Variants in LRRC4C observed in about 807,000 individuals in gnomAD.
The protein encoded by LRRC4C is leucine-rich repeat-containing protein 4C.
LRRC4C carries 5 observed loss-of-function variants against 33.6 expected under a neutral mutation model. That is an observed-to-expected ratio of 0.15 (90% CI 0.08 to 0.31). The LOEUF is 0.31. LRRC4C is among the 10% of genes least tolerant of loss of function. The pLI is 1.00. For synonymous variants in LRRC4C, 329 were observed against 302.0 expected, an observed-to-expected ratio of 1.09 and a Z score of -0.93; for missense variants, 560 against 796.7, an observed-to-expected ratio of 0.70 and a Z score of 3.58.
chr11:41,095,932 G>T (rs547132194), intron 1 of LRRC4C, among the ~76,000 whole-genome samples: 1 of 152,160 alleles, frequency 6.6e-6, no homozygotes, highest in East Asian at 1.9e-4. Context: ...GTTAACTCCC[G>T]CTGTGCTAGA....
chr11:40,306,447 C>T (rs1479213734), intron 4 of LRRC4C, among the ~76,000 whole-genome samples: 7 of 152,108 alleles, frequency 4.6e-5, no homozygotes, highest in South Asian at 4.1e-4. Context: ...AAACTGTCCC[C>T]GATACACACC....
chr11:40,752,870 A>C (rs1436264508), intron 2 of LRRC4C, among the ~76,000 whole-genome samples: 5 of 152,114 alleles, frequency 3.3e-5, no homozygotes, highest in African/African-American at 9.7e-5. Flanking sequence ...GAATCAACCT[A>C]AGTATCTGTC....
chr11:41,442,522 T>C (rs1362228171), intron 1 of LRRC4C, among the ~76,000 whole-genome samples: 4 of 133,052 alleles, frequency 3.0e-5, no homozygotes, highest in Admixed American at 2.7e-4. Context: ...CAGGCTGGAG[T>C]GCAGTGGCAC....
At chr11:41,342,469 T>C (rs1054969180) in intron 1 of LRRC4C, among the ~76,000 whole-genome samples, 3 of 152,086 alleles carry the variant, frequency 2.0e-5, no homozygotes, top group Non-Finnish European at 4.4e-5. Flanking sequence ...AATCATAGCA[T>C]TTTGGGAGGC....
intron 1 of LRRC4C, among the ~76,000 whole-genome samples, chr11:41,371,098 CA>C (rs1952730526): frequency 6.6e-6 from 1 of 152,134 alleles, no homozygotes; most frequent in Non-Finnish European, 1.5e-5. Context: ...TATTGTTTCT[CA>C]AAAGGTTCTC....
intron 1 of LRRC4C, among the ~76,000 whole-genome samples, chr11:41,176,900 G>A (rs756273737): frequency 6.6e-6 from 1 of 152,128 alleles, no homozygotes; most frequent in Non-Finnish European, 1.5e-5. Flanking sequence ...AGGAGGCAGA[G>A]GTTGCAGCGA....
At chr11:40,277,405 T>C (rs1943187918) in intron 4 of LRRC4C, among the ~76,000 whole-genome samples, 1 of 152,034 alleles carries the variant, frequency 6.6e-6, no homozygotes, top group Admixed American at 6.6e-5. Context: ...CTGGCCAAAC[T>C]AGAGGCAAAA....
At chr11:41,048,262 T>A (rs1249876830) in intron 1 of LRRC4C, among the ~76,000 whole-genome samples, 1 of 38,876 alleles carries the variant, frequency 2.6e-5, no homozygotes, top group Non-Finnish European at 7.1e-5. Flanking sequence ...ATTCTTTACT[T>A]TTTTTTTTTT....
chr11:40,184,445 T>C (rs1861251550), intron 5 of LRRC4C, among the ~76,000 whole-genome samples: 2 of 152,258 alleles, frequency 1.3e-5, no homozygotes, highest in South Asian at 4.1e-4. Context: ...AATATTTGGA[T>C]TGATAATAGA....
At chr11:41,364,178 T>C (rs959572608) in intron 1 of LRRC4C, among the ~76,000 whole-genome samples, 8 of 152,230 alleles carry the variant, frequency 5.3e-5, no homozygotes, top group African/African-American at 1.4e-4. Flanking sequence ...CCCCTGCTCA[T>C]TATCCAGCAA....
chr11:41,419,032 G>A (rs1181396968), intron 1 of LRRC4C, among the ~76,000 whole-genome samples: 1 of 151,876 alleles, frequency 6.6e-6, no homozygotes, highest in African/African-American at 2.4e-5. Flanking sequence ...AAGATACAAA[G>A]TTGAACCAGG....
At chr11:41,288,585 T>C (rs1949902665) in intron 1 of LRRC4C, among the ~76,000 whole-genome samples, 1 of 152,194 alleles carries the variant, frequency 6.6e-6, no homozygotes, top group African/African-American at 2.4e-5. Flanking sequence ...GCATATTTCA[T>C]GGTAATAAGT....
At chr11:41,018,522 C>T (rs1855744670) in intron 1 of LRRC4C, among the ~76,000 whole-genome samples, 1 of 152,096 alleles carries the variant, frequency 6.6e-6, no homozygotes, top group South Asian at 2.1e-4. Context: ...TTTTATTTTC[C>T]TTTGTCGGCA....
chr11:40,442,301 G>C (rs927628226), intron 3 of LRRC4C, among the ~76,000 whole-genome samples: 7 of 151,270 alleles, frequency 4.6e-5, no homozygotes, highest in Non-Finnish European at 1.0e-4. Flanking sequence ...TCTTAGGCAA[G>C]TTTTGTGCCA....
At chr11:40,857,825 G>T (rs528676487) in intron 2 of LRRC4C, among the ~76,000 whole-genome samples, 1 of 152,174 alleles carries the variant, frequency 6.6e-6, no homozygotes, top group Non-Finnish European at 1.5e-5. Flanking sequence ...TGAGGTAGGA[G>T]GATTGCTTGA....
chr11:40,708,395 A>G (rs1946280329), intron 2 of LRRC4C, among the ~76,000 whole-genome samples: 1 of 152,158 alleles, frequency 6.6e-6, no homozygotes, highest in Non-Finnish European at 1.5e-5. Context: ...TGTGTCCCAG[A>G]GATTCTGGTA....
intron 1 of LRRC4C, among the ~76,000 whole-genome samples, chr11:41,032,086 C>G (rs959040837): frequency 6.6e-6 from 1 of 151,972 alleles, no homozygotes; most frequent in Non-Finnish European, 1.5e-5. Flanking sequence ...GAAAAAATAA[C>G]CTGGGCATGT....
intron 5 of LRRC4C, among the ~76,000 whole-genome samples, chr11:40,148,859 A>G (rs150649352): frequency 0.014 from 2,163 of 152,250 alleles, 16 homozygotes; most frequent in Non-Finnish European, 0.023. Context: ...ATTTTTGTAT[A>G]TGGTGTAAGG....
At chr11:40,883,786 G>T (rs1028984636) in intron 2 of LRRC4C, among the ~76,000 whole-genome samples, 2 of 151,644 alleles carry the variant, frequency 1.3e-5, no homozygotes, top group Non-Finnish European at 2.9e-5. Context: ...AACTGCTGAG[G>T]ATCTCTATAG....
Sources: allele counts gnomAD v4.1 joint callset (sites outside exome capture counted in the v4.1 genomes callset), GRCh38; gene constraint gnomAD v4.1.1; transcripts MANE v1.5; gene names NCBI Gene and HGNC (gene_info 2026-07-23, HGNC 2026-07-21).